Variants in AOX1 observed in about 807,000 individuals in gnomAD.
AOX1 encodes the protein aldehyde oxidase.
A neutral mutation model predicts 169.5 loss-of-function variants in AOX1; 153 were observed. The observed-to-expected ratio is 0.90, with a 90% CI of 0.79 to 1.03. The LOEUF is 1.03. Ranked by LOEUF, AOX1 falls within the 50% of genes least tolerant of loss-of-function variation. AOX1 has a pLI of 0.00. For synonymous variants in AOX1, 562 were observed against 581.9 expected, an observed-to-expected ratio of 0.97 and a Z score of 0.49; for missense variants, 1,656 against 1,663.9, an observed-to-expected ratio of 1.00 and a Z score of 0.08.
In AOX1 at chr2:200,612,021, C is replaced by T. The variant is rs78621773; in HGVS notation, c.1263+528C>T. On this transcript the variant is annotated intron_variant, in intron 13 of 34. Transcript: ENST00000374700. ...CTCCCAGACTTATCTCTGCCATTCT[C>T]GCTCTTTCTCCCCCTACCCCAAGCT... Among the ~76,000 whole-genome samples, 38 of 152,166 alleles carry T rather than the reference C, an allele frequency of 2.5e-4. 1 individual carries two copies. Among genetic ancestry groups the T allele is most frequent in the Admixed American group, 1.7e-3 (26 of 15,258 alleles).
chr2:200,642,652 T>C lies in AOX1; in HGVS notation c.2698T>C (p.Phe900Leu). 4 of 1,614,098 alleles carry C rather than the reference T, an allele frequency of 2.5e-6. No individual in the cohort carries two copies. The highest frequency in any genetic ancestry group is 3.4e-6 in the Non-Finnish European group (4 of 1,180,000). ...TCTGAAAATGGACAATGCTTACAAG[T>C]TTCCCAATCTCCGCTGCCGGGGTTG... ...GLLKMDNAYK[F>L]PNLRCRGWAC... is the part of the protein sequence containing the mutation. The change falls in exon 25 of 35, where the codon TTT (phenylalanine) becomes CTT (leucine). Residue 900 changes from phenylalanine (F) to leucine (L), a missense_variant. Coordinates refer to ENST00000374700, the MANE Select transcript of AOX1 (RefSeq NM_001159.4).
chr2:200,624,106 T>G, intron 19 of AOX1, 123 bp downstream of exon 19: 3 of 1,188,608 alleles, frequency 2.5e-6, no homozygotes, highest in Non-Finnish European at 3.7e-6. Flanking sequence ...ACGGACTTTA[T>G]TAACCTCTAA....
At chr2:200,586,180 C>A in intron 1 of AOX1, 27 bp downstream of exon 1, 6 of 1,544,576 alleles carry the variant, frequency 3.9e-6, no homozygotes, top group Non-Finnish European at 5.2e-6. Flanking sequence ...TTCCTCTGCC[C>A]CCAGACCTGC....
intron 31 of AOX1, among the ~76,000 whole-genome samples, 194 bp from the exon 32 acceptor site, chr2:200,666,493 G>A (rs2035926338): frequency 6.6e-6 from 1 of 152,132 alleles, no homozygotes; most frequent in Non-Finnish European, 1.5e-5. Context: ...AGCTGGCTAA[G>A]AGTATTTGTA....
intron 25 of AOX1, among the ~76,000 whole-genome samples, chr2:200,650,509 C>A (rs780342920): frequency 6.6e-6 from 1 of 152,164 alleles, no homozygotes; most frequent in Non-Finnish European, 1.5e-5. Context: ...GGGATAGAAT[C>A]TTTTAATTTG....
At chr2:200,679,661 C>A (rs539523969), downstream of AOX1, among the ~76,000 whole-genome samples, 1 of 152,062 alleles carries the variant, frequency 6.6e-6, no homozygotes, top group South Asian at 2.1e-4. Flanking sequence ...GTGACGCCCC[C>A]CCCCGAGTCT....
At chr2:200,658,916 C>T (rs2105766814) in intron 27 of AOX1, among the ~76,000 whole-genome samples, 1 of 152,306 alleles carries the variant, frequency 6.6e-6, no homozygotes, top group East Asian at 1.9e-4. Context: ...GGCCTGGGGC[C>T]TCACCTCCTC....
In AOX1 at chr2:200,613,765, A is replaced by G. The variant is rs549600848; in HGVS notation, c.1449-39A>G. On this transcript the variant is annotated intron_variant, in intron 14 of 34. Transcript: ENST00000374700. Reference sequence around the variant, plus strand: ...ATTAGATGAAGATATGGGGTAATAAACCCTGTCAGGCTAGGAGTCTTCTCT... The same window carrying G: ...ATTAGATGAAGATATGGGGTAATAAGCCCTGTCAGGCTAGGAGTCTTCTCT... The G allele has an allele frequency of 2.5e-6, 4 of 1,586,236 alleles. No homozygotes were observed. The African/African-American group carries it at 4.1e-5, about 16-fold the overall frequency.
At chr2:200,663,832 A>T (rs1041457150) in intron 31 of AOX1, among the ~76,000 whole-genome samples, 1 of 152,178 alleles carries the variant, frequency 6.6e-6, no homozygotes, top group Non-Finnish European at 1.5e-5. Flanking sequence ...ATATTTACAA[A>T]TATCCTCTAT....
At chr2:200,661,556 C>T (rs1320573976) in intron 29 of AOX1, 23 bp from the exon 30 acceptor site, 5 of 1,601,454 alleles carry the variant, frequency 3.1e-6, no homozygotes, top group Non-Finnish European at 4.3e-6. Context: ...CTTGTTGCAT[C>T]ATGCTATGCT....
intron 26 of AOX1, among the ~76,000 whole-genome samples, chr2:200,655,434 G>A (rs1201710828): frequency 6.6e-6 from 1 of 152,124 alleles, no homozygotes; most frequent in Admixed American, 6.5e-5. Flanking sequence ...AAAAGATGGT[G>A]TTTCCAGGAG....
At chr2:200,630,597 A>AGGAAG (rs1273581070) in intron 20 of AOX1, among the ~76,000 whole-genome samples, 1 of 145,434 alleles carries the variant, frequency 6.9e-6, no homozygotes, top group Non-Finnish European at 1.5e-5. Context: ...GAAGGAAGGA[A>AGGAAG]GGAGGGGAAG....
downstream of AOX1, among the ~76,000 whole-genome samples, chr2:200,681,819 T>A (rs1420795297): frequency 2.0e-5 from 3 of 152,212 alleles, no homozygotes; most frequent in African/African-American, 7.2e-5. Flanking sequence ...TGTGGGTGTC[T>A]TTGATGCAAT....
At chr2:200,615,003 G>A (rs1025493072) in intron 15 of AOX1, among the ~76,000 whole-genome samples, 1 of 86,452 alleles carries the variant, frequency 1.2e-5, no homozygotes, top group African/African-American at 3.8e-5. Context: ...AGCTTTTGTT[G>A]GTTTTATTTA....
Position 200,659,239 on chromosome 2 carries a change from T to G in AOX1, c.3246T>G (p.Asn1082Lys). 1 of 1,614,008 alleles carries G rather than the reference T, an allele frequency of 6.2e-7. No homozygotes were observed. Among genetic ancestry groups the G allele is most frequent in the Non-Finnish European group, 8.5e-7 (1 of 1,179,910 alleles). Residue 1082 changes from asparagine (N) to lysine (K), a missense_variant, in exon 28 of 35, where the codon AAT (asparagine) becomes AAG (lysine). Physicochemically the swap from Asn to Lys is moderately conservative, Grantham distance 94. Coordinates refer to ENST00000374700, the MANE Select transcript of AOX1 (RefSeq NM_001159.4). ...LRGTSTETVP[N>K]ANISGGSVVA... ...GAACAAGCACAGAAACTGTCCCTAATGCAAATATCTCTGGAGGTTCTGTGG... is the reference window on the plus strand; with the variant it reads ...GAACAAGCACAGAAACTGTCCCTAAGGCAAATATCTCTGGAGGTTCTGTGG...
intron 10 of AOX1, 136 bp from the exon 11 acceptor site, chr2:200,608,848 G>C: frequency 1.4e-6 from 1 of 729,116 alleles, no homozygotes. Context: ...CACCATCACT[G>C]CCCATCACCA....
chr2:200,647,319 G>A (rs1000916299), intron 25 of AOX1, among the ~76,000 whole-genome samples: 9 of 152,142 alleles, frequency 5.9e-5, no homozygotes, highest in African/African-American at 1.9e-4. Context: ...TTATCTGAAA[G>A]CAACTGTATC....
At chr2:200,594,841 G>A (rs2034246893) in intron 2 of AOX1, among the ~76,000 whole-genome samples, 1 of 152,216 alleles carries the variant, frequency 6.6e-6, no homozygotes, top group Non-Finnish European at 1.5e-5. Flanking sequence ...CTGAAAGGCA[G>A]AGAAATACAC....
At chr2:200,646,683 C>A (rs1434529161) in intron 25 of AOX1, among the ~76,000 whole-genome samples, 1 of 151,560 alleles carries the variant, frequency 6.6e-6, no homozygotes, top group East Asian at 1.9e-4. Context: ...TATTGTGTTG[C>A]TGTCTATCTC....
Sources: gnomAD v4.1 joint callset for allele counts (sites outside exome capture counted in the v4.1 genomes callset) on GRCh38, gnomAD v4.1.1 for gene constraint, MANE v1.5 for transcripts, NCBI Gene and HGNC (gene_info 2026-07-23, HGNC 2026-07-21) for gene names.